Variants in THEMIS observed in about 807,000 individuals in gnomAD.
The protein encoded by THEMIS is thymocyte selection associated.
In THEMIS, 37 loss-of-function variants were observed where a neutral mutation model predicts 52.6. The ratio of observed to expected loss-of-function variants is 0.70; its 90% confidence interval spans 0.54 to 0.93. The LOEUF (loss-of-function observed/expected upper bound fraction) is 0.93. Among genes scored for constraint, THEMIS ranks in the 40% least tolerant of loss-of-function variants. THEMIS has a pLI of 0.00. For missense variants in THEMIS, 808 were observed against 763.1 expected, an observed-to-expected ratio of 1.06 and a Z score of -0.69; for synonymous variants, 292 against 272.7, an observed-to-expected ratio of 1.07 and a Z score of -0.70.
intron 4 of THEMIS, among the ~76,000 whole-genome samples, chr6:127,811,811 T>C (rs1777915967): frequency 6.6e-5 from 10 of 152,220 alleles, no homozygotes; most frequent in Admixed American, 6.5e-4. Context: ...TTGGAAATCA[T>C]TGTATTATAT....
At chr6:127,832,377 T>G (rs541008309) in intron 2 of THEMIS, among the ~76,000 whole-genome samples, 4 of 152,320 alleles carry the variant, frequency 2.6e-5, no homozygotes, top group Non-Finnish European at 4.4e-5. Context: ...AGGAAAAATA[T>G]TTGATTAACT....
At chr6:127,904,769 C>A (rs962621535), upstream of THEMIS, among the ~76,000 whole-genome samples, 24 of 151,932 alleles carry the variant, frequency 1.6e-4, no homozygotes, top group African/African-American at 4.8e-4. Flanking sequence ...AACTAGAAGA[C>A]AAGAAGGAGA....
At chr6:127,857,548 C>A (rs533793828) in intron 1 of THEMIS, among the ~76,000 whole-genome samples, 1 of 152,080 alleles carries the variant, frequency 6.6e-6, no homozygotes, top group African/African-American at 2.4e-5. Context: ...AATAAAAAAG[C>A]AATTTAAAGT....
At chr6:127,764,510 GC>G (rs1441182411) in intron 4 of THEMIS, among the ~76,000 whole-genome samples, 1 of 151,954 alleles carries the variant, frequency 6.6e-6, no homozygotes, top group Non-Finnish European at 1.5e-5. Flanking sequence ...TGCAGAGAAG[GC>G]CTAAATGGGA....
At chr6:127,837,900 T>G (rs963159641) in intron 2 of THEMIS, among the ~76,000 whole-genome samples, 10 of 152,110 alleles carry the variant, frequency 6.6e-5, no homozygotes, top group African/African-American at 2.4e-4. Flanking sequence ...ATGAATAATA[T>G]GTTGTAAGGA....
chr6:127,883,443 T>C (rs1033558421), intron 1 of THEMIS, among the ~76,000 whole-genome samples: 1 of 151,612 alleles, frequency 6.6e-6, no homozygotes, highest in Non-Finnish European at 1.5e-5. Context: ...TATATGTGTA[T>C]ATATATACAT....
intron 5 of THEMIS, among the ~76,000 whole-genome samples, chr6:127,713,814 A>T (rs1314283142): frequency 6.6e-6 from 1 of 151,870 alleles, no homozygotes; most frequent in Non-Finnish European, 1.5e-5. Flanking sequence ...AAGGAGAAGT[A>T]GAGAGGCCAC....
At chr6:127,827,637 A>G (rs1476015677) in intron 3 of THEMIS, among the ~76,000 whole-genome samples, 1 of 152,176 alleles carries the variant, frequency 6.6e-6, no homozygotes, top group Non-Finnish European at 1.5e-5. Context: ...CATCCAGTAG[A>G]TCAAGCCAGG....
chr6:127,765,760 G>T (rs1776176114), intron 4 of THEMIS, among the ~76,000 whole-genome samples: 1 of 152,204 alleles, frequency 6.6e-6, no homozygotes, highest in Middle Eastern at 3.4e-3. Context: ...CAGGTTTGTA[G>T]CTTAGAAGCA....
chr6:127,747,389 A>G (rs896413920), intron 4 of THEMIS, among the ~76,000 whole-genome samples: 2 of 146,038 alleles, frequency 1.4e-5, no homozygotes, highest in African/African-American at 4.9e-5. Flanking sequence ...TATTATAGAT[A>G]TAGATTTATC....
chr6:127,754,356 G>A (rs1775749106), intron 4 of THEMIS, among the ~76,000 whole-genome samples: 1 of 152,034 alleles, frequency 6.6e-6, no homozygotes, highest in Admixed American at 6.6e-5. Flanking sequence ...AATTCTTATG[G>A]TCAAATTGTG....
intron 4 of THEMIS, among the ~76,000 whole-genome samples, chr6:127,799,081 A>G (rs1031804788): frequency 2.6e-5 from 4 of 152,160 alleles, no homozygotes; most frequent in Admixed American, 6.5e-5. Context: ...TAATATAGCC[A>G]AATACTAAAT....
downstream of THEMIS, among the ~76,000 whole-genome samples, chr6:127,703,290 G>A (rs1026139232): frequency 9.4e-4 from 143 of 151,990 alleles, no homozygotes; most frequent in African/African-American, 3.2e-3. Context: ...CTCGTGATCC[G>A]CCCGCCTTGG....
chr6:127,911,513 C>T (rs1278335149), intron 1 of THEMIS, among the ~76,000 whole-genome samples: 1 of 151,014 alleles, frequency 6.6e-6, no homozygotes, highest in African/African-American at 2.5e-5. Flanking sequence ...TTATTTTGTG[C>T]TCAAATTGTT....
intron 4 of THEMIS, among the ~76,000 whole-genome samples, chr6:127,739,199 G>A (rs1324172440): frequency 6.6e-6 from 1 of 152,040 alleles, no homozygotes; most frequent in Non-Finnish European, 1.5e-5. Flanking sequence ...CCATATAAAA[G>A]AATATTCAAG....
intron 4 of THEMIS, among the ~76,000 whole-genome samples, chr6:127,724,184 TA>T (rs887239152): frequency 5.9e-5 from 9 of 152,096 alleles, no homozygotes; most frequent in Non-Finnish European, 1.0e-4. Context: ...GTTTTATCCA[TA>T]AAAAACACAT....
intron 4 of THEMIS, among the ~76,000 whole-genome samples, chr6:127,780,295 G>T (rs1162060699): frequency 6.6e-6 from 1 of 152,064 alleles, no homozygotes; most frequent in Non-Finnish European, 1.5e-5. Flanking sequence ...ATGTGTCTCT[G>T]CACAGGAGAT....
chr6:127,705,763 T>C (rs1773790497), downstream of THEMIS, among the ~76,000 whole-genome samples: 1 of 152,170 alleles, frequency 6.6e-6, no homozygotes, highest in African/African-American at 2.4e-5. Flanking sequence ...CAGTGGGATA[T>C]ACCTATGGGA....
intron 2 of THEMIS, among the ~76,000 whole-genome samples, chr6:127,837,645 T>G (rs1249299583): frequency 2.0e-5 from 3 of 151,886 alleles, no homozygotes; most frequent in Admixed American, 2.0e-4. Context: ...TCTATATATA[T>G]TCTCAAAAAA....
Sources: allele counts gnomAD v4.1 joint callset (sites outside exome capture counted in the v4.1 genomes callset), GRCh38; gene constraint gnomAD v4.1.1; transcripts MANE v1.5; gene names NCBI Gene and HGNC (gene_info 2026-07-23, HGNC 2026-07-21).